The following CNTNAP2 variants were observed in gnomAD, a reference collection of about 807,000 sequenced individuals.
The protein encoded by CNTNAP2 is contactin-associated protein-like 2.
CNTNAP2 carries 98 observed loss-of-function variants against 155.2 expected under a neutral mutation model. That is an observed-to-expected ratio of 0.63 (90% CI 0.54 to 0.75). The LOEUF is 0.75. Among genes scored for constraint, CNTNAP2 ranks in the 30% least tolerant of loss-of-function variants. CNTNAP2 has a pLI of 0.00. For synonymous variants in CNTNAP2, 651 were observed against 631.2 expected, an observed-to-expected ratio of 1.03 and a Z score of -0.47; for missense variants, 1,727 against 1,688.1, an observed-to-expected ratio of 1.02 and a Z score of -0.40.
intron 21 of CNTNAP2, among the ~76,000 whole-genome samples, chr7:148,338,563 G>T (rs1407217379): frequency 1.5e-5 from 2 of 134,012 alleles, no homozygotes; most frequent in South Asian, 4.9e-4. Flanking sequence ...GGGGGGTGAG[G>T]GGGGGGTGAG....
At chr7:147,351,088 C>A (rs564238475) in intron 9 of CNTNAP2, among the ~76,000 whole-genome samples, 1 of 151,700 alleles carries the variant, frequency 6.6e-6, no homozygotes, top group African/African-American at 2.4e-5. Context: ...ATCTTTGGCT[C>A]TATACCAAAA....
intron 13 of CNTNAP2, among the ~76,000 whole-genome samples, chr7:147,802,114 GAGACGC>G (rs1798005628): frequency 6.7e-6 from 1 of 149,700 alleles, no homozygotes; most frequent in African/African-American, 2.5e-5. Context: ...CGGCCGGGCA[GAGACGC>G]TCCTCACCTC....
At chr7:148,302,853 C>T (rs1797420274) in intron 21 of CNTNAP2, among the ~76,000 whole-genome samples, 1 of 116,110 alleles carries the variant, frequency 8.6e-6, no homozygotes, top group South Asian at 3.0e-4. Flanking sequence ...GAGTCTCTCT[C>T]TGTCACCCAG....
chr7:148,220,242 A>G (rs1795720796), intron 19 of CNTNAP2, among the ~76,000 whole-genome samples: 1 of 152,192 alleles, frequency 6.6e-6, no homozygotes, highest in Admixed American at 6.5e-5. Flanking sequence ...AGCTGGGACT[A>G]CAGGCGCCTG....
intron 13 of CNTNAP2, among the ~76,000 whole-genome samples, chr7:147,736,421 G>A (rs1050940087): frequency 6.6e-6 from 1 of 152,162 alleles, no homozygotes; most frequent in Non-Finnish European, 1.5e-5. Flanking sequence ...CCCTTTGTGG[G>A]TAACCCGACC....
chr7:147,792,191 C>G (rs889321271), intron 13 of CNTNAP2, among the ~76,000 whole-genome samples: 6 of 152,114 alleles, frequency 3.9e-5, no homozygotes, highest in Non-Finnish European at 8.8e-5. Flanking sequence ...TTTTTAATAA[C>G]AACTTTATGA....
intron 14 of CNTNAP2, among the ~76,000 whole-genome samples, chr7:147,944,597 T>TACAG (rs1800787675): frequency 6.6e-6 from 1 of 152,226 alleles, no homozygotes; most frequent in African/African-American, 2.4e-5. Context: ...CCAGTATTTT[T>TACAG]ACAGTCAACT....
intron 8 of CNTNAP2, among the ~76,000 whole-genome samples, chr7:147,203,463 C>T (rs1011150578): frequency 1.3e-5 from 2 of 152,074 alleles, no homozygotes; most frequent in Non-Finnish European, 2.9e-5. Context: ...AACTCCTGAC[C>T]TCAGGTGATC....
At chr7:146,854,870 GTAT>G (rs1794946980) in intron 3 of CNTNAP2, among the ~76,000 whole-genome samples, 1 of 152,018 alleles carries the variant, frequency 6.6e-6, no homozygotes, top group South Asian at 2.1e-4. Flanking sequence ...GTGTTTGTTA[GTAT>G]TATTTTTGTT....
intron 1 of CNTNAP2, among the ~76,000 whole-genome samples, chr7:146,301,721 G>C (rs1037082939): frequency 6.6e-6 from 1 of 152,090 alleles, no homozygotes. Context: ...TTGCATGAAT[G>C]ATCTCCAAAT....
chr7:147,182,627 A>G (rs1802485920), intron 8 of CNTNAP2, among the ~76,000 whole-genome samples: 2 of 152,142 alleles, frequency 1.3e-5, no homozygotes, highest in Admixed American at 6.5e-5. Context: ...TTTTTAAAAA[A>G]AAACCCTTTT....
At chr7:146,304,106 T>G (rs1481395346) in intron 1 of CNTNAP2, among the ~76,000 whole-genome samples, 4 of 151,600 alleles carry the variant, frequency 2.6e-5, no homozygotes, top group Admixed American at 2.6e-4. Context: ...TTTTTTTTTT[T>G]TTTTCCATTT....
intron 18 of CNTNAP2, among the ~76,000 whole-genome samples, chr7:148,209,326 G>T (rs566685787): frequency 7.1e-5 from 10 of 141,030 alleles, no homozygotes; most frequent in African/African-American, 2.6e-4. Context: ...TAGCGACAGG[G>T]TCCCCCTATG....
At chr7:146,604,758 G>C (rs1282273756) in intron 1 of CNTNAP2, among the ~76,000 whole-genome samples, 1 of 141,690 alleles carries the variant, frequency 7.1e-6, no homozygotes, top group Non-Finnish European at 1.6e-5. Flanking sequence ...AAAATGATGA[G>C]TTCATGTCCT....
At chr7:146,157,248 C>G (rs916729289) in intron 1 of CNTNAP2, among the ~76,000 whole-genome samples, 1 of 151,930 alleles carries the variant, frequency 6.6e-6, no homozygotes, top group African/African-American at 2.4e-5. Flanking sequence ...TATTTCTGTA[C>G]TCTTCTTCAA....
chr7:147,525,578 T>C (rs1799304949), intron 11 of CNTNAP2, among the ~76,000 whole-genome samples: 1 of 152,208 alleles, frequency 6.6e-6, no homozygotes, highest in Non-Finnish European at 1.5e-5. Flanking sequence ...GTTGGATGGG[T>C]AGGCAGAAGC....
At chr7:146,913,009 T>C (rs1274278386) in intron 3 of CNTNAP2, among the ~76,000 whole-genome samples, 5 of 152,166 alleles carry the variant, frequency 3.3e-5, no homozygotes. Context: ...TTCAGGAAAA[T>C]TAATGACTCC....
chr7:147,002,984 GGAAAA>G, intron 3 of CNTNAP2, among the ~76,000 whole-genome samples: 1 of 148,928 alleles, frequency 6.7e-6, no homozygotes, highest in African/African-American at 2.5e-5. Flanking sequence ...GCAGCAAACT[GGAAAA>G]GAAGACAAGG....
At chr7:147,816,886 G>A (rs1360816423) in intron 13 of CNTNAP2, among the ~76,000 whole-genome samples, 1 of 152,020 alleles carries the variant, frequency 6.6e-6, no homozygotes, top group Non-Finnish European at 1.5e-5. Flanking sequence ...AGAGGGACTA[G>A]GTTTTCATTA....
Sources: gnomAD v4.1 joint callset for allele counts (sites outside exome capture counted in the v4.1 genomes callset) on GRCh38, gnomAD v4.1.1 for gene constraint, MANE v1.5 for transcripts, NCBI Gene and HGNC (gene_info 2026-07-23, HGNC 2026-07-21) for gene names.